COL5A2: variants seen among roughly 807,000 people sequenced by gnomAD.
The protein encoded by COL5A2 is collagen type V alpha 2 chain, also known as collagen alpha-2(V) chain.
In COL5A2, 23 loss-of-function variants were observed where a neutral mutation model predicts 208.2. The ratio of observed to expected loss-of-function variants is 0.11; its 90% confidence interval spans 0.08 to 0.16. The LOEUF (loss-of-function observed/expected upper bound fraction) is 0.16. Ranked by LOEUF, COL5A2 falls within the 10% of genes least tolerant of loss-of-function variation. The pLI, the probability that COL5A2 is intolerant of heterozygous loss-of-function variation, is 1.00. For synonymous variants in COL5A2, 625 were observed against 628.5 expected (o/e 0.99, Z 0.08); for missense variants, 1,590 against 1,956.4 (o/e 0.81, Z 3.53).
At chr2:189,218,553 C>A (rs983683470) in intron 1 of COL5A2, among the ~76,000 whole-genome samples, 1 of 152,092 alleles carries the variant, frequency 6.6e-6, no homozygotes, top group Non-Finnish European at 1.5e-5. Flanking sequence ...GAATAAATTT[C>A]TGTTGTTTTA....
Position 189,098,776 on chromosome 2 carries a change from A to C in COL5A2, c.370-17T>G. The stretch of plus-strand genomic sequence containing the variant: ...GCCTGTTACCTAAACAATAAACAAG[A>C]AAATTTGTAAAGGTAAAGTTTCTGC... On this transcript the variant is annotated splice_polypyrimidine_tract_variant and intron_variant, in intron 4 of 53. Transcript: ENST00000374866. 6.2e-7 allele frequency: 1 copy of C among 1,609,180 alleles called. No homozygotes were observed. The highest frequency in any genetic ancestry group is 8.5e-7 in the Non-Finnish European group (1 of 1,175,758).
intron 29 of COL5A2, among the ~76,000 whole-genome samples, chr2:189,062,236 T>C (rs1442801292): frequency 6.6e-6 from 1 of 150,562 alleles, no homozygotes; most frequent in African/African-American, 2.4e-5. Context: ...CAGGCTGGAG[T>C]GCAACGGTGT....
intron 1 of COL5A2, among the ~76,000 whole-genome samples, chr2:189,171,623 A>C (rs913648774): frequency 2.6e-5 from 4 of 152,242 alleles, no homozygotes; most frequent in Non-Finnish European, 2.9e-5. Flanking sequence ...CTACATAAGC[A>C]AAATGACCAA....
the COL5A2 span, among the ~76,000 whole-genome samples, chr2:189,407,527 T>C: frequency 7.9e-5 from 12 of 152,204 alleles, no homozygotes; most frequent in African/African-American, 2.9e-4. Flanking sequence ...TGTTTTAATG[T>C]GACCAATTTA....
the COL5A2 span, among the ~76,000 whole-genome samples, chr2:189,373,105 G>A: frequency 6.6e-6 from 1 of 152,082 alleles, no homozygotes; most frequent in Non-Finnish European, 1.5e-5. Flanking sequence ...GATTGTTCTG[G>A]ATCATTTCAT....
intron 1 of COL5A2, among the ~76,000 whole-genome samples, chr2:189,166,856 G>A (rs950175282): frequency 2.6e-5 from 4 of 152,180 alleles, no homozygotes; most frequent in East Asian, 3.9e-4. Flanking sequence ...GTCCTAGGAC[G>A]CTAACTATAG....
the COL5A2 span, among the ~76,000 whole-genome samples, chr2:189,382,007 T>C: frequency 6.6e-6 from 1 of 152,178 alleles, no homozygotes; most frequent in Non-Finnish European, 1.5e-5. Context: ...TGAAATTCAA[T>C]AAAATAAAGA....
chr2:189,035,339 T>C (rs575585454), intron 52 of COL5A2, among the ~76,000 whole-genome samples, 184 bp from the exon 53 acceptor site: 1 of 152,232 alleles, frequency 6.6e-6, no homozygotes, highest in African/African-American at 2.4e-5. Flanking sequence ...TGTCTATGAA[T>C]ACTCAAAAGA....
chr2:189,125,400 C>T (rs1386139475), intron 1 of COL5A2, among the ~76,000 whole-genome samples: 4 of 152,140 alleles, frequency 2.6e-5, no homozygotes, highest in Non-Finnish European at 2.9e-5. Context: ...CCAAATTGCA[C>T]ATACAGCAGT....
intron 1 of COL5A2, among the ~76,000 whole-genome samples, chr2:189,167,162 C>G (rs182531658): frequency 6.6e-6 from 1 of 152,272 alleles, no homozygotes; most frequent in Admixed American, 6.5e-5. Flanking sequence ...GCTCTTACTC[C>G]TAGGACTTTA....
the COL5A2 span, among the ~76,000 whole-genome samples, chr2:189,289,499 A>G: frequency 2.0e-5 from 3 of 152,168 alleles, no homozygotes; most frequent in African/African-American, 7.2e-5. Flanking sequence ...CACTCTTACC[A>G]TTTCTATTCA....
At chr2:189,268,655 A>T in the COL5A2 span, among the ~76,000 whole-genome samples, 7 of 152,280 alleles carry the variant, frequency 4.6e-5, no homozygotes, top group Admixed American at 1.3e-4. Flanking sequence ...AACAATACAC[A>T]AAAAAGCACT....
At position 189,134,181 on chromosome 2, in the gene COL5A2, C is replaced by T. The variant is rs544192113; in HGVS notation, c.98-23732G>A. ...AGTCATGCAGAACCTTATGCATTCT[C>T]ACCAGCCAGCTGGCCTTTACAGAGT... On this transcript the variant is annotated intron_variant, in intron 1 of 53. Transcript: ENST00000374866. Among the ~76,000 whole-genome samples, 42 of 152,316 alleles carry T rather than the reference C, an allele frequency of 2.8e-4. No homozygotes were observed. The Middle Eastern group carries it at 0.01, about 37-fold the overall frequency.
intron 5 of COL5A2, among the ~76,000 whole-genome samples, chr2:189,098,038 C>CCCCG (rs1301082114): frequency 4.6e-5 from 7 of 152,150 alleles, no homozygotes; most frequent in South Asian, 2.1e-4. Flanking sequence ...ATGTTTTTCC[C>CCCCG]CCCCTGGGAA....
chr2:189,382,804 A>C, the COL5A2 span, among the ~76,000 whole-genome samples: 2 of 152,202 alleles, frequency 1.3e-5, no homozygotes, highest in African/African-American at 2.4e-5. Context: ...TACAAAGTAC[A>C]TTCTCAAAGA....
chr2:189,052,766 C>T lies in COL5A2; in HGVS notation c.2698G>A (p.Gly900Arg). 1 of 1,614,180 alleles carries T rather than the reference C, an allele frequency of 6.2e-7. No individual in the cohort carries two copies. The highest frequency in any genetic ancestry group is 1.7e-5 in the Admixed American group (1 of 60,024). The change falls in exon 40 of 54, where the codon GGA becomes AGA. Residue 900 changes from glycine to arginine, a missense_variant. Transcript: ENST00000374866. ...AAACTTACAGGCGGACCTTGGGTTC[C>T]TCGACCACCTTTTAGTCCAGGAACA... The part of the protein sequence containing the change: ...NGVPGLKGGR[G>R]TQGPPGATGF...
chr2:189,212,761 A>G (rs1689231480), intron 1 of COL5A2, among the ~76,000 whole-genome samples: 1 of 151,952 alleles, frequency 6.6e-6, no homozygotes, highest in Non-Finnish European at 1.5e-5. Context: ...AGGAAAGGCA[A>G]GACCAAGATA....
At chr2:189,145,153 T>G (rs1361811491) in intron 1 of COL5A2, among the ~76,000 whole-genome samples, 2 of 152,146 alleles carry the variant, frequency 1.3e-5, no homozygotes, top group Admixed American at 6.6e-5. Flanking sequence ...TACTTCAGAC[T>G]CTGAGTAAGC....
chr2:189,143,706 C>A (rs1289011945), intron 1 of COL5A2, among the ~76,000 whole-genome samples: 1 of 152,072 alleles, frequency 6.6e-6, no homozygotes, highest in East Asian at 1.9e-4. Context: ...ATATACCTTG[C>A]TTTGGTGTGA....
Sources: gnomAD v4.1 joint callset for allele counts (sites outside exome capture counted in the v4.1 genomes callset) on GRCh38, gnomAD v4.1.1 for gene constraint, MANE v1.5 for transcripts, NCBI Gene and HGNC (gene_info 2026-07-23, HGNC 2026-07-21) for gene names.